The following LRRC4C variants were observed in gnomAD, a reference collection of about 807,000 sequenced individuals.
LRRC4C encodes leucine-rich repeat-containing protein 4C.
A neutral mutation model predicts 33.6 loss-of-function variants in LRRC4C; 5 were observed. That is an observed-to-expected ratio of 0.15 (90% CI 0.08 to 0.31). The LOEUF (loss-of-function observed/expected upper bound fraction) is 0.31, where lower values mean the gene tolerates loss of function less well. Among genes scored for constraint, LRRC4C ranks in the 10% least tolerant of loss-of-function variants. The pLI is 1.00. For missense variants in LRRC4C, 560 were observed against 796.7 expected, an observed-to-expected ratio of 0.70 and a Z score of 3.58; for synonymous variants, 329 against 302.0, an observed-to-expected ratio of 1.09 and a Z score of -0.93.
In LRRC4C at chr11:40,601,814, A is replaced by G. The variant is rs146450889; in HGVS notation, c.-270+46328T>C. On this transcript the variant is annotated intron_variant, in intron 3 of 6. Transcript: ENST00000528697. ...TACCTTACTTTAACAATAAATTAAA[A>G]ATTATTTTATTGCACTGCACCCAAT... Among the ~76,000 whole-genome samples the G allele has an allele frequency of 8.4e-3, 1,272 of 152,286 alleles. 15 individuals carry two copies. Among genetic ancestry groups the G allele is most frequent in the African/African-American group, 0.028 (1,183 of 41,564 alleles).
At chr11:40,978,232 C>A (rs1045553691) in intron 1 of LRRC4C, among the ~76,000 whole-genome samples, 3 of 152,132 alleles carry the variant, frequency 2.0e-5, no homozygotes, top group Non-Finnish European at 4.4e-5. Flanking sequence ...TTGTTCATTG[C>A]AAATCTTATC....
intron 1 of LRRC4C, among the ~76,000 whole-genome samples, chr11:41,046,073 C>A (rs1041688550): frequency 6.6e-6 from 1 of 152,072 alleles, no homozygotes; most frequent in Non-Finnish European, 1.5e-5. Context: ...TTTGAACTGG[C>A]CATATTTTCC....
Position 40,685,964 on chromosome 11 carries a change from TA to T in LRRC4C, c.-406-37687del, listed in dbSNP as rs1011825096. ...ATGAGTAGATAAACTTAACAGTCAT[TA>T]AAAAAAAAAGATCAAGAAATTCAGG... On this transcript the variant is annotated intron_variant, in intron 2 of 6. Coordinates refer to ENST00000528697, the MANE Select transcript of LRRC4C (RefSeq NM_001258419.2). Among the ~76,000 whole-genome samples the T allele has an allele frequency of 1.5e-3, 218 of 147,068 alleles. 2 individuals are homozygous for T. The highest frequency in any genetic ancestry group is 4.8e-3 in the African/African-American group (194 of 40,398).
chr11:40,865,371 A>G (rs944435961), intron 2 of LRRC4C, among the ~76,000 whole-genome samples: 1 of 152,150 alleles, frequency 6.6e-6, no homozygotes, highest in Non-Finnish European at 1.5e-5. Context: ...ATGATTGTAC[A>G]GCATACTGAG....
intron 1 of LRRC4C, among the ~76,000 whole-genome samples, chr11:41,363,076 G>A (rs532274132): frequency 2.6e-5 from 4 of 152,150 alleles, no homozygotes; most frequent in African/African-American, 7.2e-5. Context: ...TCTGAGTCCT[G>A]TCCATCATGA....
intron 2 of LRRC4C, among the ~76,000 whole-genome samples, chr11:40,901,606 T>C (rs917416423): frequency 1.3e-5 from 2 of 152,162 alleles, no homozygotes; most frequent in African/African-American, 4.8e-5. Flanking sequence ...TATTAAATCC[T>C]CAAAGTAAAT....
intron 2 of LRRC4C, among the ~76,000 whole-genome samples, chr11:40,758,955 C>T (rs984283640): frequency 6.6e-6 from 1 of 151,496 alleles, no homozygotes; most frequent in Non-Finnish European, 1.5e-5. Flanking sequence ...ATCAATATCT[C>T]TTTTTCTTTT....
At chr11:40,469,044 A>G (rs927601381) in intron 3 of LRRC4C, among the ~76,000 whole-genome samples, 1 of 152,246 alleles carries the variant, frequency 6.6e-6, no homozygotes, top group African/African-American at 2.4e-5. Flanking sequence ...CATGTAGTAA[A>G]ATAAAGGCAC....
intron 3 of LRRC4C, among the ~76,000 whole-genome samples, chr11:40,418,700 G>T (rs778108803): frequency 2.6e-5 from 4 of 152,118 alleles, no homozygotes; most frequent in Non-Finnish European, 5.9e-5. Flanking sequence ...GCGAAGGCAC[G>T]GAATGAACCC....
intron 1 of LRRC4C, among the ~76,000 whole-genome samples, chr11:40,951,251 C>T (rs976860648): frequency 6.6e-6 from 1 of 151,816 alleles, no homozygotes; most frequent in Admixed American, 6.6e-5. Flanking sequence ...AAGAAGAAAG[C>T]CTTGTTTTCC....
At chr11:40,471,046 T>G (rs968495067) in intron 3 of LRRC4C, among the ~76,000 whole-genome samples, 1 of 152,014 alleles carries the variant, frequency 6.6e-6, no homozygotes, top group African/African-American at 2.4e-5. Context: ...ACCACAAAGG[T>G]ACTCCTTGAG....
intron 3 of LRRC4C, among the ~76,000 whole-genome samples, chr11:40,556,565 C>T (rs977396423): frequency 7.2e-5 from 11 of 152,182 alleles, no homozygotes; most frequent in Non-Finnish European, 1.5e-4. Context: ...AACTGATCCT[C>T]TCATTTCTGT....
At chr11:40,403,110 G>A (rs1949823494) in intron 3 of LRRC4C, among the ~76,000 whole-genome samples, 1 of 151,924 alleles carries the variant, frequency 6.6e-6, no homozygotes, top group Non-Finnish European at 1.5e-5. Context: ...TACATATTCT[G>A]GGTGTTATTT....
intron 3 of LRRC4C, among the ~76,000 whole-genome samples, chr11:40,519,822 G>T (rs1434594371): frequency 6.6e-6 from 1 of 152,130 alleles, no homozygotes; most frequent in African/African-American, 2.4e-5. Flanking sequence ...AACATAAAAG[G>T]GCAAAGCGAA....
intron 3 of LRRC4C, among the ~76,000 whole-genome samples, chr11:40,427,675 A>G (rs1321730491): frequency 1.3e-5 from 2 of 151,932 alleles, no homozygotes; most frequent in Non-Finnish European, 2.9e-5. Flanking sequence ...AAAAAATACA[A>G]AAAAATTAGC....
intron 2 of LRRC4C, among the ~76,000 whole-genome samples, chr11:40,792,194 G>A (rs1287047073): frequency 6.6e-6 from 1 of 151,518 alleles, no homozygotes; most frequent in Non-Finnish European, 1.5e-5. Flanking sequence ...AATATGACAT[G>A]TTTCATTATT....
At chr11:41,328,094 C>T (rs993338657) in intron 1 of LRRC4C, among the ~76,000 whole-genome samples, 1 of 152,200 alleles carries the variant, frequency 6.6e-6, no homozygotes, top group South Asian at 2.1e-4. Context: ...GAGAATGTCT[C>T]CTGTGTGCAC....
intron 1 of LRRC4C, among the ~76,000 whole-genome samples, chr11:41,051,438 C>T (rs889653917): frequency 7.2e-6 from 1 of 138,760 alleles, no homozygotes; most frequent in African/African-American, 2.7e-5. Flanking sequence ...TAATCACATG[C>T]TTTATTCAAC....
rs1050797773 is a variant in LRRC4C, at chr11:40,218,749, A to C, written c.-96+22770T>G. 3.3e-5 allele frequency among the ~76,000 whole-genome samples: 5 copies of C among 151,246 alleles called. No individual in the cohort carries two copies. In the Admixed American group the frequency reaches 3.3e-4, roughly 10 times the overall value. ...TATCTATCTATCTATCTATCCATCCATCCATCTATCCATCCATCCAAACCT... is the reference window on the plus strand; with the variant it reads ...TATCTATCTATCTATCTATCCATCCCTCCATCTATCCATCCATCCAAACCT... On this transcript the variant is annotated intron_variant, in intron 5 of 6. Coordinates refer to ENST00000528697, the MANE Select transcript of LRRC4C (RefSeq NM_001258419.2).
Sources: gnomAD v4.1 joint callset for allele counts (sites outside exome capture counted in the v4.1 genomes callset) on GRCh38, gnomAD v4.1.1 for gene constraint, MANE v1.5 for transcripts, NCBI Gene and HGNC (gene_info 2026-07-23, HGNC 2026-07-21) for gene names.